ABCA1: variants seen among roughly 807,000 people sequenced by gnomAD.
The protein encoded by ABCA1 is phospholipid-transporting ATPase ABCA1.
Under a neutral mutation model 262.5 loss-of-function variants are expected in ABCA1, and 133 were observed. The ratio of observed to expected loss-of-function variants is 0.51; its 90% confidence interval spans 0.44 to 0.59. The LOEUF is 0.59. Ranked by LOEUF, ABCA1 falls within the 20% of genes least tolerant of loss-of-function variation. The pLI is 0.00. For missense variants in ABCA1, 2,452 were observed against 2,777.5 expected (o/e 0.88, Z 2.63); for synonymous variants, 1,022 against 1,043.5 (o/e 0.98, Z 0.40).
At chr9:104,920,073 G>C (rs79406486) in intron 1 of ABCA1, among the ~76,000 whole-genome samples, 1 of 152,110 alleles carries the variant, frequency 6.6e-6, no homozygotes, top group East Asian at 1.9e-4. Context: ...GAGCTTGAAG[G>C]GCTCTTTAAA....
intron 12 of ABCA1, 101 bp downstream of exon 12, chr9:104,832,473 A>G (rs1230635406): frequency 4.8e-6 from 6 of 1,262,936 alleles, no homozygotes; most frequent in Non-Finnish European, 6.9e-6. Context: ...AAATGAGACT[A>G]TACATTATTT....
chr9:104,784,932 CCA>C (rs1828791128), intron 49 of ABCA1, among the ~76,000 whole-genome samples: 5 of 152,160 alleles, frequency 3.3e-5, no homozygotes, highest in Admixed American at 6.5e-5. Context: ...GCATGAGCCA[CCA>C]CGCCCGGCCA....
At chr9:104,793,008 A>G in intron 41 of ABCA1, 102 bp from the exon 42 acceptor site, 2 of 1,595,332 alleles carry the variant, frequency 1.3e-6, no homozygotes, top group Non-Finnish European at 1.7e-6. Flanking sequence ...CACAGTCTCC[A>G]GGATGGGCAG....
intron 27 of ABCA1, 37 bp from the exon 28 acceptor site, chr9:104,812,759 T>C (rs776855285): frequency 6.2e-7 from 1 of 1,614,034 alleles, no homozygotes; most frequent in Non-Finnish European, 8.5e-7. Flanking sequence ...CCTATTATCT[T>C]AGGTGTTTTC....
intron 29 of ABCA1, among the ~76,000 whole-genome samples, chr9:104,810,182 A>T (rs190236868): frequency 0.026 from 3,667 of 141,452 alleles, 181 homozygotes; most frequent in African/African-American, 0.091. Context: ...TTTTTTTTTT[A>T]AATGCTTCCC....
At position 104,805,752 on chromosome 9, in the gene ABCA1, G is replaced by A. The variant is rs148469028; in HGVS notation, c.4464+489C>T. ...GTGGGACAGGCATGGGCACAGTGTG[G>A]TCCAAACCTTCTCCCCTCAAAACTC... On this transcript the variant is annotated intron_variant, in intron 31 of 49. Coordinates refer to ENST00000374736, the MANE Select transcript of ABCA1 (RefSeq NM_005502.4). 7.2e-5 allele frequency among the ~76,000 whole-genome samples: 11 copies of A among 152,294 alleles called. No individual in the cohort carries two copies. The South Asian group carries it at 1.9e-3, about 26-fold the overall frequency.
chr9:104,863,076 C>A (rs1836778064), intron 5 of ABCA1, among the ~76,000 whole-genome samples: 1 of 152,016 alleles, frequency 6.6e-6, no homozygotes, highest in African/African-American at 2.4e-5. Context: ...TTAGAAAAGG[C>A]TTCAATCCAG....
chr9:104,837,522 A>G lies in ABCA1; in HGVS notation c.1100T>C (p.Leu367Pro). The G allele has an allele frequency of 1.2e-6, 2 of 1,614,202 alleles. No homozygotes were observed. The highest frequency in any genetic ancestry group is 1.1e-5 in the South Asian group (1 of 91,076). ...CAGAGCTTTCCAGATAATGCGGGAA[A>G]GAGGACTAGACTCCAAATTCTTCAT... ...DLMKNLESSP[L>P]SRIIWKALKP... is the part of the protein sequence containing the mutation. Residue 367 changes from leucine (L) to proline (P), a missense_variant, in exon 10 of 50, where the codon CTT becomes CCT. Physicochemically the swap from Leu to Pro is moderately conservative, Grantham distance 98. Coordinates refer to ENST00000374736, the MANE Select transcript of ABCA1 (RefSeq NM_005502.4).
chr9:104,895,989 A>G (rs1052463010), intron 2 of ABCA1, among the ~76,000 whole-genome samples: 1 of 152,204 alleles, frequency 6.6e-6, no homozygotes, highest in Admixed American at 6.5e-5. Context: ...TGAAGTCGCT[A>G]TTTCTTAGTA....
At chr9:104,918,872 C>T (rs569019955) in intron 1 of ABCA1, among the ~76,000 whole-genome samples, 88 of 152,284 alleles carry the variant, frequency 5.8e-4, no homozygotes, top group African/African-American at 2.0e-3. Flanking sequence ...CAAGCCACCA[C>T]CCTCCAAAGA....
chr9:104,803,265 C>T lies in ABCA1; in HGVS notation c.4592+19G>A, dbSNP rs1830493642. 1 of 1,613,886 alleles carries T rather than the reference C, an allele frequency of 6.2e-7. No individual in the cohort carries two copies. Among genetic ancestry groups the T allele is most frequent in the Admixed American group, 1.7e-5 (1 of 59,996 alleles). Reference sequence around the variant, plus strand: ...CATCCTCCCCCTGAGCTAAACGTGCCAGAAAGACAGCAACTTACCTAAACT... The same window carrying T: ...CATCCTCCCCCTGAGCTAAACGTGCTAGAAAGACAGCAACTTACCTAAACT... On this transcript the variant is annotated intron_variant, in intron 33 of 49. Transcript: ENST00000374736.
chr9:104,907,826 G>A (rs1272887556), intron 1 of ABCA1, among the ~76,000 whole-genome samples: 4 of 152,204 alleles, frequency 2.6e-5, no homozygotes, highest in South Asian at 2.1e-4. Context: ...CCTCAAGCCC[G>A]AGGCGTACGC....
chr9:104,822,070 T>C (rs4149314), intron 19 of ABCA1, among the ~76,000 whole-genome samples: 12,276 of 152,238 alleles, frequency 0.081, 545 homozygotes, highest in Non-Finnish European at 0.1. Context: ...CCCCTCCTGA[T>C]ACTACCCACT....
chr9:104,794,172 T>C (rs1829666609), intron 40 of ABCA1, among the ~76,000 whole-genome samples: 1 of 152,218 alleles, frequency 6.6e-6, no homozygotes, highest in Non-Finnish European at 1.5e-5. Context: ...GCCCTTTCAC[T>C]TTTCTCAATG....
At chr9:104,908,349 C>T (rs1178564359) in intron 1 of ABCA1, among the ~76,000 whole-genome samples, 4 of 152,074 alleles carry the variant, frequency 2.6e-5, no homozygotes, top group East Asian at 1.9e-4. Flanking sequence ...AATTAGTTGT[C>T]GAAAAGACCA....
At chr9:104,819,537 C>G in intron 22 of ABCA1, 49 bp downstream of exon 22, 1 of 1,613,014 alleles carries the variant, frequency 6.2e-7, no homozygotes, top group Non-Finnish European at 8.5e-7. Flanking sequence ...CTCAAAAGCC[C>G]CCCGCTCTCT....
In ABCA1 at chr9:104,810,912, C is replaced by G; in HGVS notation, c.4063G>C (p.Ala1355Pro). 1 of 1,614,198 alleles carries G rather than the reference C, an allele frequency of 6.2e-7. No homozygotes were observed. The highest frequency in any genetic ancestry group is 8.5e-7 in the Non-Finnish European group (1 of 1,180,038). ...KGFFAQIVLPAVFVCIALVFS... is the reference protein window; with the variant it reads ...KGFFAQIVLPPVFVCIALVFS... ...ACAAGGGCAATGCAGACAAACACAG[C>G]TGGCAAGACAATCTTTACCCAGGCA... Residue 1355 changes from alanine to proline, a missense_variant, in exon 29 of 50, where the codon GCT becomes CCT. Ala to Pro is a conservative substitution (Grantham distance 27). Around this residue, in one of 4 missense-constraint regions of ABCA1, gnomAD observed 665 missense variants for 727.3 expected, o/e 0.91. Coordinates refer to ENST00000374736, the MANE Select transcript of ABCA1 (RefSeq NM_005502.4).
chr9:104,894,682 A>G (rs926365166), intron 2 of ABCA1, among the ~76,000 whole-genome samples: 1 of 152,170 alleles, frequency 6.6e-6, no homozygotes, highest in Admixed American at 6.5e-5. Context: ...GCCATTATGG[A>G]CCCCAACCTC....
intron 44 of ABCA1, among the ~76,000 whole-genome samples, chr9:104,790,235 G>A (rs1829309976): frequency 6.6e-6 from 1 of 152,096 alleles, no homozygotes; most frequent in Non-Finnish European, 1.5e-5. Context: ...ATGGCCTAAC[G>A]GTGGCTCAGT....
Sources: allele counts gnomAD v4.1 joint callset (sites outside exome capture counted in the v4.1 genomes callset), GRCh38; gene constraint gnomAD v4.1.1; regional missense constraint gnomAD v4.1.1; transcripts MANE v1.5; gene names NCBI Gene and HGNC (gene_info 2026-07-23, HGNC 2026-07-21).